The following SQSTM1 variants were observed in gnomAD, a reference collection of about 807,000 sequenced individuals.
SQSTM1 encodes sequestosome-1.
In SQSTM1, 36 loss-of-function variants were observed where a neutral mutation model predicts 45.1. That is an observed-to-expected ratio of 0.80 (90% CI 0.61 to 1.05). The LOEUF is 1.05. SQSTM1 is among the 50% of genes least tolerant of loss of function. SQSTM1 has a pLI of 0.00. For missense variants in SQSTM1, 617 were observed against 607.1 expected (o/e 1.02, Z -0.17); for synonymous variants, 290 against 244.3 (o/e 1.19, Z -1.74).
intron 1 of SQSTM1, among the ~76,000 whole-genome samples, chr5:179,810,158 G>A (rs1221030249): frequency 6.6e-6 from 1 of 151,988 alleles, no homozygotes; most frequent in African/African-American, 2.4e-5. Context: ...TAGGGTACAT[G>A]TGCACAATTT....
upstream of SQSTM1, among the ~76,000 whole-genome samples, chr5:179,818,498 AG>A (rs915555552): frequency 2.0e-5 from 3 of 152,098 alleles, no homozygotes; most frequent in East Asian, 1.9e-4. Flanking sequence ...ATTATTTGGG[AG>A]GGGGGAAGGG....
chr5:179,837,691 A>T lies in SQSTM1; in HGVS notation c.*1098A>T. On this transcript the variant is annotated 3_prime_UTR_variant, in exon 8 of 8. Coordinates refer to ENST00000389805, the MANE Select transcript of SQSTM1 (RefSeq NM_003900.5). Reference sequence around the variant, plus strand: ...CCCTCTGAAGAGACCTTGGCTGCTCACTGTCCACATGTGAACTTTTTCTAG... The same window carrying T: ...CCCTCTGAAGAGACCTTGGCTGCTCTCTGTCCACATGTGAACTTTTTCTAG... 6.2e-7 allele frequency: 1 copy of T among 1,614,192 alleles called. No individual in the cohort carries two copies. Among genetic ancestry groups the T allele is most frequent in the Non-Finnish European group, 8.5e-7 (1 of 1,180,032 alleles).
chr5:179,821,012 T>C lies in SQSTM1; in HGVS notation c.76T>C (p.Cys26Arg), dbSNP rs1172565628. ...AAREIRRFSF[C>R]CSPEPEAEAE... The stretch of plus-strand genomic sequence containing the variant: ...GCGCGAGATTCGCCGCTTCAGCTTC[T>C]GCTGCAGCCCCGAGCCTGAGGCGGA... Residue 26 changes from cysteine to arginine, a missense_variant, in exon 1 of 8, where the codon TGC (cysteine) becomes CGC (arginine). Coordinates refer to ENST00000389805, the MANE Select transcript of SQSTM1 (RefSeq NM_003900.5). 4.5e-6 allele frequency: 7 copies of C among 1,572,456 alleles called. No individual in the cohort carries two copies. The African/African-American group carries it at 9.8e-5, about 22-fold the overall frequency.
At chr5:179,817,882 A>G (rs185653), upstream of SQSTM1, among the ~76,000 whole-genome samples, 1 of 151,994 alleles carries the variant, frequency 6.6e-6, no homozygotes, top group Non-Finnish European at 1.5e-5. Context: ...GGTGGCAGGC[A>G]CCTGTAGTCC....
chr5:179,836,630 G>C lies in SQSTM1; in HGVS notation c.*37G>C. The C allele has an allele frequency of 6.2e-7, 1 of 1,613,926 alleles. No homozygotes were observed. Among genetic ancestry groups the C allele is most frequent in the Admixed American group, 1.7e-5 (1 of 60,022 alleles). On this transcript the variant is annotated 3_prime_UTR_variant, in exon 8 of 8. Transcript: ENST00000389805. ...CACCTCTTCTGCGTGCCCCTCTTCT[G>C]TCTCATAGTTGTGTTAAGCTTGCGT...
At chr5:179,821,946 TAAAAAA>T (rs79376917) in intron 1 of SQSTM1, among the ~76,000 whole-genome samples, 1 of 147,908 alleles carries the variant, frequency 6.8e-6, no homozygotes. Flanking sequence ...CTCCTATTCT[TAAAAAA>T]AAAAAAATTG....
intron 5 of SQSTM1, among the ~76,000 whole-genome samples, chr5:179,825,963 A>G (rs1757968809): frequency 6.6e-6 from 1 of 152,148 alleles, no homozygotes; most frequent in Non-Finnish European, 1.5e-5. Flanking sequence ...GTGATGGCAG[A>G]TGGATCGCTG....
chr5:179,836,761 G>A lies in SQSTM1; in HGVS notation c.*168G>A, dbSNP rs955301962. On this transcript the variant is annotated 3_prime_UTR_variant, in exon 8 of 8. Transcript: ENST00000389805. The stretch of plus-strand genomic sequence containing the variant: ...CAGCAAAACAAGTGACATGAAGGGA[G>A]GGTCCCTGTGTGTGTGTGTGCTGAT... 4 of 1,019,134 alleles carry A rather than the reference G, an allele frequency of 3.9e-6. No homozygotes were observed. The African/African-American group carries it at 6.3e-5, about 16-fold the overall frequency. 63.1% of individuals were successfully genotyped at this position (1,019,134 alleles called of 1,614,324 possible). A position where few individuals can be genotyped will look rare whatever the true frequency, so the allele number is the denominator to read the frequency against.
chr5:179,834,131 C>T (rs1296646797), intron 7 of SQSTM1, among the ~76,000 whole-genome samples: 1 of 145,878 alleles, frequency 6.9e-6, no homozygotes, highest in African/African-American at 2.6e-5. Flanking sequence ...CACTCAAGTG[C>T]CGCCTCAGGG....
chr5:179,831,386 G>A (rs1171562150), intron 5 of SQSTM1, among the ~76,000 whole-genome samples: 1 of 152,222 alleles, frequency 6.6e-6, no homozygotes, highest in South Asian at 2.1e-4. Flanking sequence ...GGCAGGCTGG[G>A]TGCAGTGGCT....
At position 179,806,596 on chromosome 5, in the gene SQSTM1, G is replaced by C. The variant is rs1406747059; in HGVS notation, c.-157+5G>C. On this transcript the variant is annotated splice_donor_5th_base_variant and intron_variant, in intron 1 of 5. Transcript: ENST00000514093. This position sits in a 1 kb window ranked among gnomAD's most constrained non-coding sequence, Gnocchi z 4.6. ...TGCGGAGCCTCATCTCCTCGGGTGC[G>C]CGGCGGGCGCCCGCGGGGCCGAGGC... 1.6e-6 allele frequency: 2 copies of C among 1,235,420 alleles called. No individual in the cohort carries two copies. The highest frequency in any genetic ancestry group is 3.2e-5 in the African/African-American group (2 of 62,498). 76.5% of individuals were successfully genotyped at this position (1,235,420 alleles called of 1,614,324 possible).
intron 5 of SQSTM1, among the ~76,000 whole-genome samples, chr5:179,827,897 A>G (rs1018451915): frequency 1.3e-5 from 2 of 152,158 alleles, no homozygotes; most frequent in African/African-American, 4.8e-5. Context: ...TGTGTAGGGT[A>G]AGCGGCAGCT....
Position 179,836,557 on chromosome 5 carries a change from C to T in SQSTM1, c.1287C>T (p.Asp429=). The change falls in exon 8 of 8, where the codon GAC becomes GAT. Residue 429 remains aspartate, a synonymous_variant. Coordinates refer to ENST00000389805, the MANE Select transcript of SQSTM1 (RefSeq NM_003900.5). The stretch of plus-strand genomic sequence containing the variant: ...ACTATGACATCGGAGCGGCTCTGGA[C>T]ACCATCCAGTATTCAAAGCATCCCC... ...TKNYDIGAAL[D]TIQYSKHPPP... 1.2e-6 allele frequency: 2 copies of T among 1,614,188 alleles called. No homozygotes were observed. The highest frequency in any genetic ancestry group is 1.7e-6 in the Non-Finnish European group (2 of 1,180,030).
At chr5:179,823,482 A>G (rs1391144721) in intron 2 of SQSTM1, 4 of 194,836 alleles carry the variant, frequency 2.1e-5, no homozygotes, top group East Asian at 1.4e-4. Context: ...AAAAAAAAAG[A>G]CATTTTAAGT....
rs1365969076 is a variant in SQSTM1 at position 179,837,962 on chromosome 5, G to A, written c.*1369G>A. On this transcript the variant is annotated 3_prime_UTR_variant, in exon 8 of 8. Coordinates refer to ENST00000389805, the MANE Select transcript of SQSTM1 (RefSeq NM_003900.5). ...CAGGAGGACCGCCTGCCCTGCCTGG[G>A]CCTTGGCTGGGCCTCTGGTTCTGAC... The A allele has an allele frequency of 1.4e-6, 2 of 1,419,872 alleles. No homozygotes were observed. Among genetic ancestry groups the A allele is most frequent in the African/African-American group, 1.4e-5 (1 of 70,520 alleles). The allele number at this position is 1,419,872 out of a possible 1,614,324, so 88.0% of individuals were successfully genotyped here.
At chr5:179,821,163 G>GGGGGCGGTGACGC in intron 1 of SQSTM1, 22 bp downstream of exon 1, 1 of 1,327,050 alleles carries the variant, frequency 7.5e-7, no homozygotes, top group Non-Finnish European at 9.6e-7. Context: ...GGGGAGCGGC[G>GGGGGCGGTGACGC]GGGGCGGTGA....
rs1275809324 is a variant in SQSTM1, at chr5:179,837,418, A to G, written c.*825A>G. On this transcript the variant is annotated 3_prime_UTR_variant, in exon 8 of 8. Transcript: ENST00000389805. The stretch of plus-strand genomic sequence containing the variant: ...ACACATCATCATCGAAGTCTTCCCC[A>G]GTTATAAAGAGGTCACATAGTCGTG... The G allele has an allele frequency of 2.5e-6, 4 of 1,596,612 alleles. No individual in the cohort carries two copies. The African/African-American group carries it at 4.0e-5, about 16-fold the overall frequency.
chr5:179,836,625 C>T lies in SQSTM1; in HGVS notation c.*32C>T, dbSNP rs760432280. The T allele has an allele frequency of 1.2e-5, 20 of 1,613,614 alleles. 1 individual carries two copies. The highest frequency in any genetic ancestry group is 8.8e-5 in the South Asian group (8 of 91,066). Reference sequence around the variant, plus strand: ...TTGCCCACCTCTTCTGCGTGCCCCTCTTCTGTCTCATAGTTGTGTTAAGCT... The same window carrying T: ...TTGCCCACCTCTTCTGCGTGCCCCTTTTCTGTCTCATAGTTGTGTTAAGCT... On this transcript the variant is annotated 3_prime_UTR_variant, in exon 8 of 8. Coordinates refer to ENST00000389805, the MANE Select transcript of SQSTM1 (RefSeq NM_003900.5).
upstream of SQSTM1, among the ~76,000 whole-genome samples, chr5:179,819,508 G>A (rs142069242): frequency 1.3e-4 from 20 of 152,378 alleles, no homozygotes; most frequent in East Asian, 3.9e-3. Context: ...ACCCTGCTCA[G>A]ACCGGGCCAT....
Sources: allele counts gnomAD v4.1 joint callset (sites outside exome capture counted in the v4.1 genomes callset), GRCh38; gene constraint gnomAD v4.1.1; non-coding constraint Gnocchi (gnomAD v3.1); transcripts MANE v1.5; gene names NCBI Gene and HGNC (gene_info 2026-07-23, HGNC 2026-07-21).